The following ZNF771 variants were observed in gnomAD, a reference collection of about 807,000 sequenced individuals.
The protein encoded by ZNF771 is zinc finger protein 771.
A neutral mutation model predicts 27.6 loss-of-function variants in ZNF771; 10 were observed. The observed-to-expected ratio is 0.36, with a 90% CI of 0.22 to 0.61. The LOEUF is 0.61. ZNF771 is among the 20% of genes least tolerant of loss of function. ZNF771 has a pLI of 0.70. For synonymous variants in ZNF771, 261 were observed against 225.2 expected (o/e 1.16, Z -1.43); for missense variants, 438 against 503.7 (o/e 0.87, Z 1.25).
chr16:30,408,101 G>A lies in ZNF771; in HGVS notation c.48G>A (p.Gln16=). The A allele has an allele frequency of 6.2e-7, 1 of 1,609,866 alleles. No homozygotes were observed. Among genetic ancestry groups the A allele is most frequent in the Non-Finnish European group, 8.5e-7 (1 of 1,176,758 alleles). ...QAEEEEEEEM[Q]EEMVLLVKGE... is the part of the protein sequence containing the mutation. ...AGGAAGAGGAGGAGGAAGAGATGCA[G>A]GAGGAGATGGTGCTGCTGGTGAAGG... Residue 16 remains glutamine, a synonymous_variant, in exon 2 of 3, where the codon CAG becomes CAA. Transcript: ENST00000319296.
At position 30,408,147 on chromosome 16, in the gene ZNF771, G is replaced by C. The variant is rs766460360; in HGVS notation, c.94G>C (p.Glu32Gln). The stretch of plus-strand genomic sequence containing the variant: ...GAAGGGTGAGGAGGATGAGGGTGAG[G>C]AGAAGTATGAGGTGGTGAAACTCAA... ...LVKGEEDEGE[E>Q]KYEVVKLKIP... The change falls in exon 2 of 3, where the codon GAG becomes CAG. Residue 32 changes from glutamate to glutamine, a missense_variant. By Grantham distance (29) the Glu-to-Gln change is conservative. Around this residue, in one of 3 missense-constraint regions of ZNF771, gnomAD observed 84 missense variants for 89.2 expected, o/e 0.94. Transcript: ENST00000319296. The C allele has an allele frequency of 6.2e-7, 1 of 1,613,042 alleles. No individual in the cohort carries two copies. Among genetic ancestry groups the C allele is most frequent in the Non-Finnish European group, 8.5e-7 (1 of 1,179,158 alleles).
Position 30,417,871 on chromosome 16 carries a change from G to T in ZNF771, c.458G>T (p.Gly153Val), listed in dbSNP as rs930464639. Reference protein sequence around the residue: ...GEKPYACAHCGRRFAQSSNYA... With the variant: ...GEKPYACAHCVRRFAQSSNYA... ...AAGCCGTACGCATGCGCGCACTGCGGCCGCCGCTTCGCGCAGAGCTCCAAC... is the reference window on the plus strand; with the variant it reads ...AAGCCGTACGCATGCGCGCACTGCGTCCGCCGCTTCGCGCAGAGCTCCAAC... The change falls in exon 3 of 3, where the codon GGC (glycine) becomes GTC (valine). Residue 153 changes from glycine (G) to valine (V), a missense_variant. By Grantham distance (109) the Gly-to-Val change is moderately radical. Around this residue, in one of 3 missense-constraint regions of ZNF771, gnomAD observed 305 missense variants for 308.0 expected, o/e 0.99. Transcript: ENST00000319296. 3 of 1,507,016 alleles carry T rather than the reference G, an allele frequency of 2.0e-6. No individual in the cohort carries two copies. The highest frequency in any genetic ancestry group is 2.6e-6 in the Non-Finnish European group (3 of 1,136,660). 93.4% of individuals were successfully genotyped at this position (1,507,016 alleles called of 1,614,324 possible).
rs954189659 is a variant in ZNF771, at chr16:30,417,678, C to A, written c.265C>A (p.Arg89=). The A allele has an allele frequency of 5.8e-6, 8 of 1,387,312 alleles. No individual in the cohort carries two copies. The highest frequency in any genetic ancestry group is 7.4e-6 in the Non-Finnish European group (8 of 1,073,964). 85.9% of individuals were successfully genotyped at this position (1,387,312 alleles called of 1,614,324 possible). A position where few individuals can be genotyped will look rare whatever the true frequency, so the allele number is the denominator to read the frequency against. Reference sequence around the variant, plus strand: ...GCACGCGCGCACGCACACGGGCGAACGGCCCTTCGGGTGCACCGAGTGCGG... The same window carrying A: ...GCACGCGCGCACGCACACGGGCGAAAGGCCCTTCGGGTGCACCGAGTGCGG... The part of the protein sequence containing the change: ...AKHARTHTGE[R]PFGCTECGRR... The change falls in exon 3 of 3, where the codon CGG becomes AGG. Residue 89 remains arginine (R), a synonymous_variant. Coordinates refer to ENST00000319296, the MANE Select transcript of ZNF771 (RefSeq NM_001142305.2).
rs1381581752 is a variant in ZNF771 at position 30,417,933 on chromosome 16, C to T, written c.520C>T (p.Pro174Ser). The T allele has an allele frequency of 6.6e-7, 1 of 1,518,194 alleles. No homozygotes were observed. Among genetic ancestry groups the T allele is most frequent in the South Asian group, 1.2e-5 (1 of 81,750 alleles). The allele number at this position is 1,518,194 out of a possible 1,614,324, so 94.0% of individuals were successfully genotyped here. A position where few individuals can be genotyped will look rare whatever the true frequency, so the allele number is the denominator to read the frequency against. The change falls in exon 3 of 3, where the codon CCG (proline) becomes TCG (serine). Residue 174 changes from proline (P) to serine (S), a missense_variant. Physicochemically the swap from Pro to Ser is moderately conservative, Grantham distance 74. This residue lies in a region of ZNF771 where 305 missense variants were observed against 308.0 expected (regional missense o/e 0.99). Coordinates refer to ENST00000319296, the MANE Select transcript of ZNF771 (RefSeq NM_001142305.2). ...CCTGCGCGTGCACACGGGCGAGAAG[C>T]CGTACGCGTGCCCGGACTGCGGACG... ...QHLRVHTGEK[P>S]YACPDCGRAF...
intron 2 of ZNF771, among the ~76,000 whole-genome samples, chr16:30,408,782 T>A (rs149802106): frequency 6.6e-6 from 1 of 152,254 alleles, no homozygotes; most frequent in Non-Finnish European, 1.5e-5. Context: ...AGTGGGGTGA[T>A]GGACCCAGTC....
chr16:30,408,910 G>A lies in ZNF771; in HGVS notation c.141+716G>A, dbSNP rs2050090385. On this transcript the variant is annotated intron_variant, in intron 2 of 2. Transcript: ENST00000319296. ...AGCCTTGACTTCCCTGGGCTCAGGTGATCCTCCCACCTCAGCCTCCCAAGT... is the reference window on the plus strand; with the variant it reads ...AGCCTTGACTTCCCTGGGCTCAGGTAATCCTCCCACCTCAGCCTCCCAAGT... Among the ~76,000 whole-genome samples, 3 of 152,134 alleles carry A rather than the reference G, an allele frequency of 2.0e-5. No homozygotes were observed. The South Asian group carries it at 6.2e-4, about 31-fold the overall frequency.
chr16:30,410,841 G>C (rs1186358183), intron 2 of ZNF771, among the ~76,000 whole-genome samples: 1 of 124,084 alleles, frequency 8.1e-6, no homozygotes. Context: ...GCAACATAGG[G>C]AGACCTCATC....
At chr16:30,411,157 A>G (rs1444467124) in intron 2 of ZNF771, among the ~76,000 whole-genome samples, 1 of 151,970 alleles carries the variant, frequency 6.6e-6, no homozygotes, top group Admixed American at 6.6e-5. Context: ...CATCTCTACT[A>G]AAAATACAAA....
intron 2 of ZNF771, among the ~76,000 whole-genome samples, chr16:30,410,595 C>G (rs78879732): frequency 0.031 from 4,757 of 151,948 alleles, 248 homozygotes; most frequent in African/African-American, 0.11. Flanking sequence ...AAGGGCATTC[C>G]AGGAGGAGGA....
Position 30,417,593 on chromosome 16 carries a change from G to C in ZNF771, c.180G>C (p.Ala60=). The change falls in exon 3 of 3, where the codon GCG becomes GCC. Residue 60 remains alanine (A), a synonymous_variant. Coordinates refer to ENST00000319296, the MANE Select transcript of ZNF771 (RefSeq NM_001142305.2). ...CGCCCGCGCCGTCCGCCGACCCGGC[G>C]CGTCCCCACGCGTGCCCCGACTGCG... ...GEAPAPSADP[A]RPHACPDCGR... 8.1e-7 allele frequency: 1 copy of C among 1,238,820 alleles called. No homozygotes were observed. The highest frequency in any genetic ancestry group is 1.0e-6 in the Non-Finnish European group (1 of 994,438). The allele number at this position is 1,238,820 out of a possible 1,614,324, so 76.7% of individuals were successfully genotyped here.
Position 30,418,403 on chromosome 16 carries a change from C to T in ZNF771, c.*36C>T. ...GCTGCGGAGGGGCGCGCTGGGGCTT[C>T]GACCTGGCTGCACTAACCCAGGCTC... is the stretch of plus-strand genomic sequence containing the variant. On this transcript the variant is annotated 3_prime_UTR_variant, in exon 3 of 3. Coordinates refer to ENST00000319296, the MANE Select transcript of ZNF771 (RefSeq NM_001142305.2). 1.5e-6 allele frequency: 2 copies of T among 1,364,314 alleles called. No individual in the cohort carries two copies. 84.5% of individuals were successfully genotyped at this position (1,364,314 alleles called of 1,614,324 possible).
At chr16:30,407,894 CTGGGG>C (rs2050083946) in intron 1 of ZNF771, 146 bp from the exon 2 acceptor site, 1 of 557,584 alleles carries the variant, frequency 1.8e-6, no homozygotes, top group African/African-American at 1.9e-5. Context: ...TGGGGCCGGG[CTGGGG>C]TGGACGGGAG....
At chr16:30,412,849 G>A (rs1416913073) in intron 2 of ZNF771, among the ~76,000 whole-genome samples, 6 of 152,062 alleles carry the variant, frequency 3.9e-5, no homozygotes, top group Non-Finnish European at 7.4e-5. Context: ...TAGGTGTTCT[G>A]GAAAATGAGT....
At chr16:30,408,557 A>G (rs576789674) in intron 2 of ZNF771, among the ~76,000 whole-genome samples, 1 of 152,346 alleles carries the variant, frequency 6.6e-6, no homozygotes, top group South Asian at 2.1e-4. Flanking sequence ...GGGAAAGGTC[A>G]GGTTAGTTCA....
At chr16:30,412,790 C>T (rs1365442638) in intron 2 of ZNF771, among the ~76,000 whole-genome samples, 3 of 136,014 alleles carry the variant, frequency 2.2e-5, no homozygotes, top group Non-Finnish European at 4.8e-5. Flanking sequence ...GACCTTTTCT[C>T]AAAAAAAAAA....
chr16:30,408,315 A>C, intron 2 of ZNF771, 121 bp downstream of exon 2: 1 of 1,394,078 alleles, frequency 7.2e-7, no homozygotes, highest in Non-Finnish European at 1.0e-6. Flanking sequence ...CTAAAACCTC[A>C]GGATTGGCCC....
chr16:30,415,589 G>A (rs1046175274), intron 2 of ZNF771, among the ~76,000 whole-genome samples: 5 of 151,872 alleles, frequency 3.3e-5, no homozygotes, highest in African/African-American at 9.7e-5. Flanking sequence ...CAACATCTTG[G>A]CTAGGCTGGG....
At chr16:30,415,840 T>A (rs1222641836) in intron 2 of ZNF771, among the ~76,000 whole-genome samples, 1 of 152,216 alleles carries the variant, frequency 6.6e-6, no homozygotes, top group Non-Finnish European at 1.5e-5. Context: ...CCACAGTAGA[T>A]ACGCGACATC....
rs1356023662 is a variant in ZNF771, at chr16:30,417,496, C to G, written c.142-59C>G. 4.4e-6 allele frequency: 5 copies of G among 1,143,480 alleles called. No individual in the cohort carries two copies. In the African/African-American group the frequency reaches 6.4e-5, roughly 15 times the overall value. The allele number at this position is 1,143,480 out of a possible 1,614,324, so 70.8% of individuals were successfully genotyped here. On this transcript the variant is annotated intron_variant, in intron 2 of 2. Transcript: ENST00000319296. ...CACAGAGGGAGCAGCCTGTGGAGAC[C>G]CAGGTCTCTGGCTCCGGGGCCTGCC...
Sources: gnomAD v4.1 joint callset for allele counts (sites outside exome capture counted in the v4.1 genomes callset) on GRCh38, gnomAD v4.1.1 for gene constraint, gnomAD v4.1.1 regional missense constraint, MANE v1.5 for transcripts, NCBI Gene and HGNC (gene_info 2026-07-23, HGNC 2026-07-21) for gene names.